The following BRD7 variants were observed in gnomAD, a reference collection of about 807,000 sequenced individuals.
BRD7 encodes bromodomain-containing protein 7.
A neutral mutation model predicts 82.1 loss-of-function variants in BRD7; 15 were observed. The ratio of observed to expected loss-of-function variants is 0.18; its 90% CI spans 0.12 to 0.28. The LOEUF is 0.28. Ranked by LOEUF, BRD7 falls within the 10% of genes least tolerant of loss-of-function variation. The pLI, the probability that BRD7 is intolerant of heterozygous loss-of-function variation, is 1.00. For missense variants in BRD7, 638 were observed against 779.9 expected, an observed-to-expected ratio of 0.82 and a Z score of 2.17; for synonymous variants, 232 against 266.9, an observed-to-expected ratio of 0.87 and a Z score of 1.27.
chr16:50,342,249 A>G (rs62029966), intron 5 of BRD7, among the ~76,000 whole-genome samples: 3 of 152,170 alleles, frequency 2.0e-5, no homozygotes, highest in Non-Finnish European at 4.4e-5. Flanking sequence ...ATGCTGAAAT[A>G]AACGGTTTTA....
intron 12 of BRD7, among the ~76,000 whole-genome samples, chr16:50,322,744 CTA>C (rs1300988037): frequency 2.0e-5 from 3 of 152,144 alleles, no homozygotes; most frequent in African/African-American, 7.2e-5. Context: ...TTTCGTTAGA[CTA>C]TTAATTCATT....
At chr16:50,356,628 T>C (rs1597090439) in intron 2 of BRD7, among the ~76,000 whole-genome samples, 1 of 151,948 alleles carries the variant, frequency 6.6e-6, no homozygotes, top group Non-Finnish European at 1.5e-5. Context: ...CCAAATTCAG[T>C]ACAGTGGTTC....
At position 50,316,783 on chromosome 16, in the gene BRD7, C is replaced by CTTTT. The variant is rs1000378136; in HGVS notation, c.*2424_*2427dup. 1 of 152,382 alleles carries CTTTT rather than the reference C, an allele frequency of 6.6e-6. No homozygotes were observed. Among genetic ancestry groups the CTTTT allele is most frequent in the African/African-American group, 2.4e-5 (1 of 41,458 alleles). 9.4% of individuals were successfully genotyped at this position (152,382 alleles called of 1,614,324 possible). A position where few individuals can be genotyped will look rare whatever the true frequency, so the allele number is the denominator to read the frequency against. On this transcript the variant is annotated 3_prime_UTR_variant, in exon 17 of 17. Transcript: ENST00000394688. ...TGAGAAATGACCAAACTGCCCGTGA[C>CTTTT]TTTTTCTGAATGGACTTCATAACCG...
At chr16:50,347,412 C>A (rs937836576) in intron 5 of BRD7, among the ~76,000 whole-genome samples, 2 of 152,020 alleles carry the variant, frequency 1.3e-5, no homozygotes, top group African/African-American at 4.8e-5. Flanking sequence ...CTGGCCAGGG[C>A]AATCAGGCAG....
At chr16:50,330,553 G>T (rs2037521446) in intron 8 of BRD7, among the ~76,000 whole-genome samples, 1 of 152,036 alleles carries the variant, frequency 6.6e-6, no homozygotes, top group South Asian at 2.1e-4. Context: ...AGTCTAAGAG[G>T]GGGAGAGAAA....
At position 50,317,260 on chromosome 16, in the gene BRD7, G is replaced by GT. The variant is rs1359999299; in HGVS notation, c.*1950dup. The GT allele has an allele frequency of 6.5e-6, 1 of 152,758 alleles. No individual in the cohort carries two copies. The highest frequency in any genetic ancestry group is 1.5e-5 in the Non-Finnish European group (1 of 68,052). 9.5% of individuals were successfully genotyped at this position (152,758 alleles called of 1,614,324 possible). A position where few individuals can be genotyped will look rare whatever the true frequency, so the allele number is the denominator to read the frequency against. ...AAGGAATTTCATGGCAACAATGCTG[G>GT]TAAGGGCAATTAGCCTCGCTTAAGT... On this transcript the variant is annotated 3_prime_UTR_variant, in exon 17 of 17. Transcript: ENST00000394688.
At chr16:50,368,654 G>T in intron 1 of BRD7, 72 bp downstream of exon 1, 2 of 1,476,996 alleles carry the variant, frequency 1.4e-6, no homozygotes, top group Non-Finnish European at 1.8e-6. Flanking sequence ...CCGCCCCGGA[G>T]CCACTGGGAA....
intron 4 of BRD7, among the ~76,000 whole-genome samples, chr16:50,351,579 T>C (rs568531681): frequency 6.6e-6 from 1 of 152,360 alleles, no homozygotes; most frequent in South Asian, 2.1e-4. Flanking sequence ...AACTAGATTT[T>C]TTATTTTTTA....
At chr16:50,368,463 C>T in intron 1 of BRD7, 165 bp from the exon 2 acceptor site, 3 of 850,204 alleles carry the variant, frequency 3.5e-6, no homozygotes, top group Non-Finnish European at 5.3e-6. Context: ...GGTGCGGCGG[C>T]GCCGCCCGCC....
intron 8 of BRD7, among the ~76,000 whole-genome samples, chr16:50,330,333 GAC>G (rs1324550724): frequency 3.1e-5 from 4 of 127,678 alleles, no homozygotes; most frequent in African/African-American, 5.7e-5. Context: ...TTGAAAAGAG[GAC>G]ACTTTTTTTT....
intron 2 of BRD7, among the ~76,000 whole-genome samples, chr16:50,362,419 T>TA (rs1437445747): frequency 6.6e-6 from 1 of 152,172 alleles, no homozygotes; most frequent in Non-Finnish European, 1.5e-5. Flanking sequence ...AAAGAGGAGA[T>TA]AGTATGATCC....
intron 2 of BRD7, among the ~76,000 whole-genome samples, chr16:50,363,654 T>TGC (rs2039016895): frequency 2.1e-5 from 2 of 93,166 alleles, no homozygotes; most frequent in Admixed American, 1.3e-4. Context: ...TGTGTGTGTG[T>TGC]GTGTGTGCGC....
At chr16:50,334,609 C>T in intron 7 of BRD7, 102 bp downstream of exon 7, 1 of 1,374,690 alleles carries the variant, frequency 7.3e-7, no homozygotes, top group Non-Finnish European at 9.9e-7. Flanking sequence ...ACCACCGACA[C>T]ACTAGCACTT....
rs1167483525 is a variant in BRD7 at position 50,316,065 on chromosome 16, T to C, written c.*3146A>G. The C allele has an allele frequency of 6.5e-6, 1 of 152,986 alleles. No homozygotes were observed. The allele number at this position is 152,986 out of a possible 1,614,324, so 9.5% of individuals were successfully genotyped here. ...ACAGGTAGAGAGAAAAACACCACAA[T>C]TAACACTGTTACTTTTTGCCTTGTC... On this transcript the variant is annotated 3_prime_UTR_variant, in exon 17 of 17. Coordinates refer to ENST00000394688, the MANE Select transcript of BRD7 (RefSeq NM_013263.5).
At chr16:50,341,288 C>T (rs758732813) in intron 5 of BRD7, among the ~76,000 whole-genome samples, 16 of 151,544 alleles carry the variant, frequency 1.1e-4, no homozygotes, top group African/African-American at 3.9e-4. Flanking sequence ...ATTATGGTAT[C>T]CAAAGGACCC....
At chr16:50,359,240 T>C (rs1425984245) in intron 2 of BRD7, among the ~76,000 whole-genome samples, 1 of 152,226 alleles carries the variant, frequency 6.6e-6, no homozygotes, top group Non-Finnish European at 1.5e-5. Context: ...GGGTTTAAAT[T>C]CTGGCCTCGT....
chr16:50,339,259 T>C (rs993012966), intron 6 of BRD7, among the ~76,000 whole-genome samples: 1 of 152,230 alleles, frequency 6.6e-6, no homozygotes, highest in Non-Finnish European at 1.5e-5. Context: ...TAGTCACATG[T>C]AGCTTAATGA....
intron 10 of BRD7, 73 bp from the exon 11 acceptor site, chr16:50,325,956 T>C (rs2037321294): frequency 7.1e-7 from 1 of 1,417,862 alleles, no homozygotes. Flanking sequence ...TACCAAAAGA[T>C]TATTTATTCT....
intron 4 of BRD7, among the ~76,000 whole-genome samples, chr16:50,352,298 A>G (rs1350093043): frequency 6.6e-6 from 1 of 152,210 alleles, no homozygotes; most frequent in Non-Finnish European, 1.5e-5. Flanking sequence ...AGGATCGTGC[A>G]GTATTTGTTC....
Sources: allele counts gnomAD v4.1 joint callset (sites outside exome capture counted in the v4.1 genomes callset), GRCh38; gene constraint gnomAD v4.1.1; transcripts MANE v1.5; gene names NCBI Gene and HGNC (gene_info 2026-07-23, HGNC 2026-07-21).